Variants in NDUFAB1 observed in about 807,000 individuals in gnomAD.
The protein encoded by NDUFAB1 is NADH:ubiquinone oxidoreductase subunit AB1.
Under a neutral mutation model 16.1 loss-of-function variants are expected in NDUFAB1, and 5 were observed. The ratio of observed to expected loss-of-function variants is 0.31; its 90% confidence interval spans 0.16 to 0.65. NDUFAB1 has a LOEUF of 0.65. Among genes scored for constraint, NDUFAB1 ranks in the 30% least tolerant of loss-of-function variants. The probability of loss-of-function intolerance (pLI) is 0.77; values close to 1 mark genes in which losing one functional copy is unlikely to be tolerated. For synonymous variants in NDUFAB1, 85 were observed against 78.4 expected (o/e 1.08, Z -0.44); for missense variants, 187 against 205.3 (o/e 0.91, Z 0.54).
At position 23,587,183 on chromosome 16, in the gene NDUFAB1, C is replaced by A. The variant is rs772463464; in HGVS notation, c.291+14G>T. 9.4e-5 allele frequency: 151 copies of A among 1,605,072 alleles called. No homozygotes were observed. Among genetic ancestry groups the A allele is most frequent in the Non-Finnish European group, 7.6e-6 (9 of 1,176,684 alleles). On this transcript the variant is annotated intron_variant, in intron 2 of 4. Transcript: ENST00000007516. ...CTATATTTAAAGAAAAAAATTCAAA[C>A]CACCATCAGTTACCTTCTCTGGGTC...
intron 1 of NDUFAB1, among the ~76,000 whole-genome samples, chr16:23,589,628 G>A (rs1489716840): frequency 6.6e-6 from 1 of 152,120 alleles, no homozygotes; most frequent in Non-Finnish European, 1.5e-5. Flanking sequence ...AACAGAGGCT[G>A]TGTGCTTATC....
intron 3 of NDUFAB1, 80 bp from the exon 4 acceptor site, chr16:23,582,455 A>G: frequency 2.1e-6 from 3 of 1,401,772 alleles, no homozygotes; most frequent in Non-Finnish European, 2.8e-6. Flanking sequence ...ACCCTTCTAC[A>G]ACAGCTACAA....
chr16:23,596,063 AC>A, intron 1 of NDUFAB1, 59 bp downstream of exon 1: 1 of 1,510,822 alleles, frequency 6.6e-7, no homozygotes, highest in South Asian at 1.2e-5. Flanking sequence ...CCCGGCCCCC[AC>A]CCCCACCGGG....
intron 2 of NDUFAB1, among the ~76,000 whole-genome samples, chr16:23,586,765 C>G (rs1966236816): frequency 6.6e-6 from 1 of 152,238 alleles, no homozygotes; most frequent in Non-Finnish European, 1.5e-5. Flanking sequence ...TCTGCTGCCT[C>G]AGCCTCCCGA....
At position 23,596,297 on chromosome 16, in the gene NDUFAB1, G is replaced by GT. The variant is rs1966326595; in HGVS notation, c.-8_-7insA. 3 of 1,549,588 alleles carry GT rather than the reference G, an allele frequency of 1.9e-6. No individual in the cohort carries two copies. Among genetic ancestry groups the GT allele is most frequent in the East Asian group, 2.5e-5 (1 of 39,962 alleles). On this transcript the variant is annotated 5_prime_UTR_variant, in exon 1 of 5. Transcript: ENST00000007516. ...AAAGGACACGAGACGCCATGGCTAC[G>GT]CCAACCCAGGATGCACTGCGCCGCC...
At chr16:23,587,351 T>C (rs1035680371) in intron 1 of NDUFAB1, 32 bp from the exon 2 acceptor site, 14 of 1,610,144 alleles carry the variant, frequency 8.7e-6, no homozygotes, top group East Asian at 4.5e-5. Flanking sequence ...AACACTGTCA[T>C]TGAATGGAAA....
chr16:23,588,188 C>T (rs1484104405), intron 1 of NDUFAB1, among the ~76,000 whole-genome samples: 2 of 152,236 alleles, frequency 1.3e-5, no homozygotes, highest in Non-Finnish European at 2.9e-5. Context: ...GTCGTGGTGG[C>T]TCACGCCTAT....
At chr16:23,595,161 A>T (rs1239954939) in intron 1 of NDUFAB1, among the ~76,000 whole-genome samples, 3 of 151,956 alleles carry the variant, frequency 2.0e-5, no homozygotes, top group Non-Finnish European at 4.4e-5. Context: ...CTGAGGGAGG[A>T]GAATTGCTTG....
At chr16:23,587,084 TG>T in intron 2 of NDUFAB1, 112 bp downstream of exon 2, 2 of 1,054,968 alleles carry the variant, frequency 1.9e-6, no homozygotes, top group Non-Finnish European at 2.8e-6. Flanking sequence ...AGAATGGGCC[TG>T]GGTGTCTGGG....
intron 1 of NDUFAB1, 83 bp from the exon 2 acceptor site, chr16:23,587,402 C>A: frequency 1.3e-6 from 2 of 1,534,486 alleles, no homozygotes; most frequent in Non-Finnish European, 1.8e-6. Context: ...GTAACTTTCA[C>A]AGAACTTTCG....
chr16:23,586,571 G>A (rs1163614704), intron 2 of NDUFAB1, among the ~76,000 whole-genome samples: 2 of 151,932 alleles, frequency 1.3e-5, no homozygotes, highest in Non-Finnish European at 2.9e-5. Flanking sequence ...CTGACCTCAT[G>A]ATCCACTCGC....
intron 1 of NDUFAB1, chr16:23,591,113 C>T (rs1166809435): frequency 2.0e-5 from 3 of 152,094 alleles, no homozygotes; most frequent in Non-Finnish European, 2.9e-5. Context: ...TCCAGCATGG[C>T]CTCCTGGAAG....
At chr16:23,583,797 G>A (rs995598118) in intron 3 of NDUFAB1, among the ~76,000 whole-genome samples, 1 of 152,172 alleles carries the variant, frequency 6.6e-6, no homozygotes, top group South Asian at 2.1e-4. Context: ...TGATGACGAT[G>A]GCGGTTGTTT....
At chr16:23,594,712 T>TC (rs2142240109) in intron 1 of NDUFAB1, among the ~76,000 whole-genome samples, 1 of 151,610 alleles carries the variant, frequency 6.6e-6, no homozygotes, top group East Asian at 2.0e-4. Flanking sequence ...GGTCTCAAAC[T>TC]CCTGGGCTCA....
At position 23,594,734 on chromosome 16, in the gene NDUFAB1, C is replaced by T. The variant is rs539714417; in HGVS notation, c.168+1389G>A. Among the ~76,000 whole-genome samples the T allele has an allele frequency of 2.1e-3, 320 of 151,998 alleles. 1 individual carries two copies. Among genetic ancestry groups the T allele is most frequent in the Non-Finnish European group, 3.8e-3 (260 of 67,960 alleles). ...AACTCCTGGGCTCAAGCGATTCGCC[C>T]GCCTCGGCCTCCCAAAGTGCTGGGA... On this transcript the variant is annotated intron_variant, in intron 1 of 4. Transcript: ENST00000007516.
At chr16:23,585,497 A>G in intron 2 of NDUFAB1, 74 bp from the exon 3 acceptor site, 1 of 978,398 alleles carries the variant, frequency 1.0e-6, no homozygotes, top group Non-Finnish European at 1.6e-6. Flanking sequence ...AGGGTGGTAC[A>G]ATGCCACTTA....
In NDUFAB1 at chr16:23,594,962, C is replaced by CA. The variant is rs202224213; in HGVS notation, c.168+1160dup. 8.6e-5 allele frequency among the ~76,000 whole-genome samples: 13 copies of CA among 150,582 alleles called. No individual in the cohort carries two copies. In the East Asian group the frequency reaches 1.2e-3, roughly 14 times the overall value. ...GTCATCTGGAGAACTTAGAAAACAA[C>CA]AAAAAAAAGGCAGGGCGCGGTGGTT... On this transcript the variant is annotated intron_variant, in intron 1 of 4. Transcript: ENST00000007516.
intron 3 of NDUFAB1, among the ~76,000 whole-genome samples, chr16:23,584,411 C>CTT (rs1306273135): frequency 1.3e-5 from 2 of 151,560 alleles, no homozygotes; most frequent in African/African-American, 4.9e-5. Flanking sequence ...CTGTGTCTGG[C>CTT]TTCTTTCACT....
At chr16:23,586,511 T>C (rs1966234619) in intron 2 of NDUFAB1, among the ~76,000 whole-genome samples, 2 of 151,122 alleles carry the variant, frequency 1.3e-5, no homozygotes, top group African/African-American at 4.9e-5. Flanking sequence ...ATTTGTGTAT[T>C]TTTAGTAGAG....
Sources: allele counts gnomAD v4.1 joint callset (sites outside exome capture counted in the v4.1 genomes callset), GRCh38; gene constraint gnomAD v4.1.1; transcripts MANE v1.5; gene names NCBI Gene and HGNC (gene_info 2026-07-23, HGNC 2026-07-21).